GPM6B: variants seen among roughly 807,000 people sequenced by gnomAD.
GPM6B encodes the protein neuronal membrane glycoprotein M6-b.
Under a neutral mutation model 27.2 loss-of-function variants are expected in GPM6B, and 4 were observed. That is an observed-to-expected ratio of 0.15 (90% confidence interval 0.07 to 0.34). The LOEUF (loss-of-function observed/expected upper bound fraction) is 0.34. GPM6B is among the 10% of genes least tolerant of loss of function. The pLI is 1.00. For synonymous variants in GPM6B, 124 were observed against 103.1 expected (o/e 1.20, Z -1.23); for missense variants, 183 against 261.9 (o/e 0.70, Z 2.08).
At chrX:13,781,868 A>T (rs1313550294) in intron 4 of GPM6B, among the ~76,000 whole-genome samples, 1 of 111,775 alleles carries the variant, frequency 8.9e-6, no homozygotes, top group East Asian at 2.8e-4. Flanking sequence ...GGCAAAATAA[A>T]CTTTCTAAAT....
intron 4 of GPM6B, 86 bp downstream of exon 4, chrX:13,783,279 G>A (rs2048551435): frequency 1.2e-6 from 1 of 816,235 alleles, no homozygotes; most frequent in Admixed American, 3.4e-5. Flanking sequence ...CTCGATACCT[G>A]GTAGCTTTTG....
intron 1 of GPM6B, among the ~76,000 whole-genome samples, chrX:13,844,724 G>C (rs2049623073): frequency 8.9e-6 from 1 of 111,818 alleles, no homozygotes; most frequent in Admixed American, 9.5e-5. Flanking sequence ...ATGGACCACA[G>C]CATTTTCTGG....
At chrX:13,775,080 T>C (rs2048385468) in intron 7 of GPM6B, among the ~76,000 whole-genome samples, 1 of 112,369 alleles carries the variant, frequency 8.9e-6, no homozygotes, top group Admixed American at 9.4e-5. Flanking sequence ...TGGGAATGAA[T>C]AATTTACAAG....
intron 1 of GPM6B, among the ~76,000 whole-genome samples, chrX:13,861,109 C>T (rs957132148): frequency 9.6e-6 from 1 of 104,693 alleles, no homozygotes; most frequent in African/African-American, 3.6e-5. Flanking sequence ...TACATATACA[C>T]ACATATATAT....
intron 2 of GPM6B, among the ~76,000 whole-genome samples, chrX:13,796,541 G>A (rs1350074454): frequency 8.9e-6 from 1 of 112,380 alleles, no homozygotes; most frequent in Non-Finnish European, 1.9e-5. Flanking sequence ...GGGGCTTCCT[G>A]TCCAAGAACA....
chrX:13,774,786 CTT>C (rs1370151030), intron 7 of GPM6B, among the ~76,000 whole-genome samples: 3 of 111,970 alleles, frequency 2.7e-5, no homozygotes, highest in Non-Finnish European at 5.6e-5. Context: ...CACACACAAA[CTT>C]TTTCTCATCA....
chrX:13,909,289 A>G (rs1282457588), intron 1 of GPM6B, among the ~76,000 whole-genome samples: 2 of 109,334 alleles, frequency 1.8e-5, no homozygotes, highest in East Asian at 5.7e-4. Flanking sequence ...ATACCCAGCT[A>G]ATTTTTGTAT....
At chrX:13,862,422 G>C (rs751013290) in intron 1 of GPM6B, among the ~76,000 whole-genome samples, 5 of 111,535 alleles carry the variant, frequency 4.5e-5, no homozygotes, top group Admixed American at 9.5e-5. Flanking sequence ...TGTTCATTCT[G>C]ATGACACCAG....
At chrX:13,871,368 C>T (rs146622888) in intron 1 of GPM6B, among the ~76,000 whole-genome samples, 2,349 of 112,219 alleles carry the variant, frequency 0.021, 66 homozygotes, top group African/African-American at 0.072. Context: ...GCTTTCAAAA[C>T]ATGTCAATGC....
At chrX:13,860,992 G>C (rs1336987013) in intron 1 of GPM6B, among the ~76,000 whole-genome samples, 1 of 98,976 alleles carries the variant, frequency 1.0e-5, no homozygotes, top group African/African-American at 3.6e-5. Flanking sequence ...GTATTCCACA[G>C]AATGAATGTG....
intron 1 of GPM6B, among the ~76,000 whole-genome samples, chrX:13,888,623 T>C (rs189087322): frequency 4.3e-4 from 48 of 112,227 alleles, no homozygotes; most frequent in Non-Finnish European, 4.3e-4. Flanking sequence ...CAAGACTATT[T>C]TATTCTATCC....
At chrX:13,926,437 AC>A (rs1286732932) in intron 1 of GPM6B, among the ~76,000 whole-genome samples, 1 of 19,248 alleles carries the variant, frequency 5.2e-5, no homozygotes, top group South Asian at 8.5e-4. Flanking sequence ...AAAAAAAAAA[AC>A]ACACAAAAAA....
chrX:13,916,359 G>A (rs1030912688), intron 1 of GPM6B, among the ~76,000 whole-genome samples: 3 of 111,850 alleles, frequency 2.7e-5, no homozygotes, highest in Admixed American at 1.9e-4. Flanking sequence ...CATTGCTCAC[G>A]TCTCCAAAGT....
chrX:13,804,801 T>TA lies in GPM6B; in HGVS notation c.181+2848dup, dbSNP rs1162070183. Among the ~76,000 whole-genome samples, 260 of 42,141 alleles carry TA rather than the reference T, an allele frequency of 6.2e-3. 3 individuals carry two copies. In the South Asian group the frequency reaches 0.11, roughly 17 times the overall value. The allele number at this position is 42,141 out of a possible 115,157, so 36.6% of individuals were successfully genotyped here. A position where few individuals can be genotyped will look rare whatever the true frequency, so the allele number is the denominator to read the frequency against. ...GCTGACAACTCTGCAAAAAAATTAA[T>TA]AAAAAAAAAAAGAAAAAAAAAAGAG... On this transcript the variant is annotated intron_variant, in intron 2 of 7. Coordinates refer to ENST00000316715, the MANE Select transcript of GPM6B (RefSeq NM_001001995.3).
intron 1 of GPM6B, among the ~76,000 whole-genome samples, chrX:13,880,833 C>T (rs181460378): frequency 1.5e-3 from 169 of 110,527 alleles, no homozygotes; most frequent in Admixed American, 2.9e-3. Flanking sequence ...ATCTTTACCC[C>T]CTTCTTACAC....
chrX:13,926,352 G>A (rs1428763342), intron 1 of GPM6B, among the ~76,000 whole-genome samples: 1 of 108,647 alleles, frequency 9.2e-6, no homozygotes, highest in Non-Finnish European at 1.9e-5. Context: ...AGCTTGCAGT[G>A]AGCCCAGATT....
Position 13,921,040 on chromosome X carries a change from A to T in GPM6B, c.-198+17287T>A, listed in dbSNP as rs185730227. Among the ~76,000 whole-genome samples the T allele has an allele frequency of 2.0e-4, 22 of 112,674 alleles. No homozygotes were observed. The East Asian group carries it at 3.9e-3, about 20-fold the overall frequency. ...CAAGTACTATTTTCCAAAGCTAATTACAATTCAGTTTTATATCATATATGC... is the reference window on the plus strand; with the variant it reads ...CAAGTACTATTTTCCAAAGCTAATTTCAATTCAGTTTTATATCATATATGC... On this transcript the variant is annotated intron_variant, in intron 1 of 6. Transcript: ENST00000398361.
At chrX:13,888,671 ACC>A (rs1265870350) in intron 1 of GPM6B, among the ~76,000 whole-genome samples, 7 of 109,221 alleles carry the variant, frequency 6.4e-5, no homozygotes, top group African/African-American at 2.3e-4. Flanking sequence ...ACCAACCCCC[ACC>A]CCCTTTTTTT....
intron 1 of GPM6B, among the ~76,000 whole-genome samples, chrX:13,937,133 G>C (rs762940607): frequency 3.1e-4 from 34 of 111,462 alleles, no homozygotes; most frequent in Non-Finnish European, 5.5e-4. Flanking sequence ...AAGAGAAGTA[G>C]GAACCTGAGT....
Sources: gnomAD v4.1 joint callset for allele counts (sites outside exome capture counted in the v4.1 genomes callset) on GRCh38, gnomAD v4.1.1 for gene constraint, MANE v1.5 for transcripts, NCBI Gene and HGNC (gene_info 2026-07-23, HGNC 2026-07-21) for gene names.